SLC25A48: variants seen among roughly 807,000 people sequenced by gnomAD.
SLC25A48 encodes solute carrier family 25 member 48, also known as CTC-321K16.1.
SLC25A48 carries 29 observed loss-of-function variants against 32.2 expected under a neutral mutation model. The observed-to-expected ratio is 0.90, with a 90% CI of 0.67 to 1.23. The LOEUF is 1.23. Among genes scored for constraint, SLC25A48 ranks in the 50% most tolerant of loss-of-function variants. The probability of loss-of-function intolerance (pLI) is 0.00; values close to 1 mark genes in which losing one functional copy is unlikely to be tolerated. For synonymous variants in SLC25A48, 164 were observed against 172.3 expected, an observed-to-expected ratio of 0.95 and a Z score of 0.38; for missense variants, 399 against 422.7, an observed-to-expected ratio of 0.94 and a Z score of 0.49.
chr5:135,801,625 A>G (rs1275281097), intron 3 of SLC25A48, among the ~76,000 whole-genome samples: 3 of 151,508 alleles, frequency 2.0e-5, no homozygotes, highest in Non-Finnish European at 4.4e-5. Flanking sequence ...TTTTCATAAT[A>G]TCCAGGAGGG....
intron 1 of SLC25A48, among the ~76,000 whole-genome samples, chr5:135,616,277 A>G (rs1301230899): frequency 6.6e-6 from 1 of 152,118 alleles, no homozygotes; most frequent in Non-Finnish European, 1.5e-5. Context: ...AGCCACACTG[A>G]CAGCTTGTAC....
chr5:135,638,482 T>C (rs1207332161), intron 3 of SLC25A48, among the ~76,000 whole-genome samples: 2 of 152,320 alleles, frequency 1.3e-5, no homozygotes, highest in Middle Eastern at 3.4e-3. Context: ...CAGAACACAG[T>C]TTGAGTAACA....
intron 3 of SLC25A48, among the ~76,000 whole-genome samples, chr5:135,742,901 T>C (rs948208209): frequency 6.8e-5 from 9 of 132,488 alleles, no homozygotes; most frequent in African/African-American, 2.5e-4. Context: ...CGTATAGTAA[T>C]GGTCTCCAAC....
chr5:135,860,982 A>G (rs777557227), intron 4 of SLC25A48, among the ~76,000 whole-genome samples: 23 of 152,174 alleles, frequency 1.5e-4, no homozygotes, highest in Non-Finnish European at 2.2e-4. Flanking sequence ...TAGCCAGTGT[A>G]TATTCAGCCA....
At chr5:135,754,904 G>A (rs567391214) in intron 3 of SLC25A48, among the ~76,000 whole-genome samples, 430 of 151,096 alleles carry the variant, frequency 2.8e-3, no homozygotes, top group Non-Finnish European at 5.0e-3. Context: ...TGAAATATTG[G>A]TCTGACATTT....
intron 3 of SLC25A48, among the ~76,000 whole-genome samples, chr5:135,704,966 G>T (rs17168929): frequency 0.02 from 3,043 of 152,290 alleles, 100 homozygotes; most frequent in African/African-American, 0.068. Context: ...GGACTGCTGA[G>T]GATAGCCTGT....
chr5:135,597,224 T>G (rs1228231926), intron 1 of SLC25A48, among the ~76,000 whole-genome samples: 3 of 152,202 alleles, frequency 2.0e-5, no homozygotes, highest in Non-Finnish European at 4.4e-5. Context: ...CAGACTGGAT[T>G]CAATGCAGGA....
At chr5:135,840,170 G>T (rs1438649360) in intron 1 of SLC25A48, among the ~76,000 whole-genome samples, 1 of 152,038 alleles carries the variant, frequency 6.6e-6, no homozygotes, top group East Asian at 1.9e-4. Context: ...TTCCAAAGAG[G>T]TCTTCTTTTA....
At chr5:135,885,126 A>T (rs1762668985) in intron 7 of SLC25A48, among the ~76,000 whole-genome samples, 1 of 152,134 alleles carries the variant, frequency 6.6e-6, no homozygotes, top group Admixed American at 6.5e-5. Flanking sequence ...AAAAAGACAA[A>T]GTTGTTGGGA....
chr5:135,593,587 C>T (rs991285160), intron 1 of SLC25A48, among the ~76,000 whole-genome samples: 11 of 152,320 alleles, frequency 7.2e-5, no homozygotes, highest in African/African-American at 2.4e-4. Flanking sequence ...GGGCTTCTCC[C>T]AGGAGGCAGA....
chr5:135,861,107 A>G (rs1343659638), intron 4 of SLC25A48, among the ~76,000 whole-genome samples: 1 of 152,242 alleles, frequency 6.6e-6, no homozygotes, highest in East Asian at 1.9e-4. Flanking sequence ...CTGGTAACAC[A>G]TTAATGTGTT....
At chr5:135,634,716 C>T (rs972681564) in intron 2 of SLC25A48, 1 of 152,258 alleles carries the variant, frequency 6.6e-6, no homozygotes, top group African/African-American at 2.4e-5. Flanking sequence ...GGGGTGAAGT[C>T]TGGGAGTCCC....
chr5:135,656,516 C>T (rs1169574792), intron 3 of SLC25A48, among the ~76,000 whole-genome samples: 13 of 152,302 alleles, frequency 8.5e-5, no homozygotes, highest in East Asian at 5.8e-4. Context: ...CCATCTTCTC[C>T]GTGTTCTGGG....
At chr5:135,664,672 C>A (rs2214272) in intron 3 of SLC25A48, among the ~76,000 whole-genome samples, 28,285 of 76,586 alleles carry the variant, frequency 0.37, 2,841 homozygotes, top group Middle Eastern at 0.49. Flanking sequence ...TAAATGAAGA[C>A]ACACAGTATT....
At chr5:135,818,052 T>G (rs1254368824) in intron 4 of SLC25A48, among the ~76,000 whole-genome samples, 1 of 85,964 alleles carries the variant, frequency 1.2e-5, no homozygotes, top group Non-Finnish European at 2.5e-5. Flanking sequence ...GTTCTCTCTG[T>G]TCCTCTCTCT....
At chr5:135,673,386 A>T (rs1370445225) in intron 3 of SLC25A48, among the ~76,000 whole-genome samples, 1 of 152,188 alleles carries the variant, frequency 6.6e-6, no homozygotes, top group Non-Finnish European at 1.5e-5. Flanking sequence ...CCATGCTAAC[A>T]CTTGATATGG....
At chr5:135,803,214 G>A (rs967195006) in intron 3 of SLC25A48, 4 of 151,118 alleles carry the variant, frequency 2.6e-5, no homozygotes, top group African/African-American at 9.7e-5. Context: ...TCTGTATGAT[G>A]TTATTTATAA....
At chr5:135,672,168 C>T (rs1261447049) in intron 3 of SLC25A48, among the ~76,000 whole-genome samples, 1 of 152,168 alleles carries the variant, frequency 6.6e-6, no homozygotes, top group African/African-American at 2.4e-5. Flanking sequence ...AAGTTACAGC[C>T]TCGGAAACTT....
rs1752325822 is a variant in SLC25A48, at chr5:135,621,582, TAAG to T, written c.-848-7652_-848-7650del. Among the ~76,000 whole-genome samples the T allele has an allele frequency of 4.6e-5, 7 of 152,260 alleles. No homozygotes were observed. The South Asian group carries it at 1.5e-3, about 32-fold the overall frequency. Reference sequence around the variant, plus strand: ...CAAATCAATGGAATAGAATAAAGCTTAAGAACAGACTCAAGTGGGATATAGGAA... The same window carrying T: ...CAAATCAATGGAATAGAATAAAGCTTAACAGACTCAAGTGGGATATAGGAA... On this transcript the variant is annotated intron_variant, in intron 1 of 10. Transcript: ENST00000646290.
Sources: gnomAD v4.1 joint callset for allele counts (sites outside exome capture counted in the v4.1 genomes callset) on GRCh38, gnomAD v4.1.1 for gene constraint, MANE v1.5 for transcripts, NCBI Gene and HGNC (gene_info 2026-07-23, HGNC 2026-07-21) for gene names.